The following FYB1 variants were observed in gnomAD, a reference collection of about 807,000 sequenced individuals.
FYB1 encodes FYN-binding protein 1.
A neutral mutation model predicts 94.1 loss-of-function variants in FYB1; 41 were observed. The ratio of observed to expected loss-of-function variants is 0.44; its 90% CI spans 0.34 to 0.57. The LOEUF is 0.57. Among genes scored for constraint, FYB1 ranks in the 20% least tolerant of loss-of-function variants. The pLI is 0.02. For missense variants in FYB1, 1,050 were observed against 976.8 expected (o/e 1.07, Z -1.00); for synonymous variants, 367 against 353.2 (o/e 1.04, Z -0.44).
chr5:39,192,605 G>A (rs901978056), intron 2 of FYB1, among the ~76,000 whole-genome samples: 17 of 152,120 alleles, frequency 1.1e-4, no homozygotes, highest in African/African-American at 4.1e-4. Flanking sequence ...GCAAATCATG[G>A]CATATTGCCC....
At chr5:39,110,266 T>A in intron 17 of FYB1, 90 bp downstream of exon 17, 1 of 716,468 alleles carries the variant, frequency 1.4e-6, no homozygotes, top group Non-Finnish European at 2.3e-6. Flanking sequence ...GTTGAGTAGG[T>A]TACATTATTT....
At chr5:39,144,975 A>G (rs950625241) in intron 3 of FYB1, among the ~76,000 whole-genome samples, 1 of 152,174 alleles carries the variant, frequency 6.6e-6, no homozygotes, top group African/African-American at 2.4e-5. Flanking sequence ...TTTTTTTAGG[A>G]ATAACTACTG....
intron 2 of FYB1, among the ~76,000 whole-genome samples, chr5:39,184,899 T>C (rs1390787417): frequency 6.6e-6 from 1 of 152,148 alleles, no homozygotes; most frequent in East Asian, 1.9e-4. Flanking sequence ...ATTATATGTA[T>C]TTTATAATAA....
chr5:39,174,012 G>A lies in FYB1; in HGVS notation c.1136-20408C>T, dbSNP rs186980669. On this transcript the variant is annotated intron_variant, in intron 2 of 18. Coordinates refer to ENST00000512982, the MANE Select transcript of FYB1 (RefSeq NM_001465.6). ...TTGGCATTTTGATAGTGATAGCATT[G>A]AATCTGTAAATTGCTTTGGGCAGGC... 5.3e-4 allele frequency among the ~76,000 whole-genome samples: 81 copies of A among 152,174 alleles called. No individual in the cohort carries two copies. The East Asian group carries it at 0.014, about 27-fold the overall frequency.
upstream of FYB1, among the ~76,000 whole-genome samples, chr5:39,224,388 C>T (rs947404934): frequency 2.0e-5 from 3 of 152,144 alleles, no homozygotes; most frequent in African/African-American, 7.2e-5. Flanking sequence ...TGCTTGCTCA[C>T]CCAGGGAGTG....
At position 39,202,950 on chromosome 5, in the gene FYB1, T is replaced by C. The variant is rs1402605658; in HGVS notation, c.11A>G (p.Tyr4Cys). The C allele has an allele frequency of 6.2e-7, 1 of 1,613,764 alleles. No individual in the cohort carries two copies. Among genetic ancestry groups the C allele is most frequent in the East Asian group, 2.2e-5 (1 of 44,894 alleles). MAK[Y>C]NTGGNPTEDV... ...CTCTGTCGGGTTGCCCCCCGTGTTA[T>C]ATTTCGCCATGAGGGACTTTACATC... The change falls in exon 2 of 19, where the codon TAT becomes TGT. Residue 4 changes from tyrosine to cysteine, a missense_variant. By Grantham distance (194) the Tyr-to-Cys change is radical. Transcript: ENST00000512982.
intron 2 of FYB1, among the ~76,000 whole-genome samples, chr5:39,186,007 C>T (rs1452680574): frequency 6.6e-6 from 1 of 152,058 alleles, no homozygotes; most frequent in Non-Finnish European, 1.5e-5. Context: ...AAGAGGAGCA[C>T]CTGGATTGAA....
intron 9 of FYB1, 22 bp downstream of exon 9, chr5:39,134,186 T>C: frequency 6.3e-7 from 1 of 1,588,428 alleles, no homozygotes; most frequent in Non-Finnish European, 8.6e-7. Context: ...TGATCTGTTC[T>C]ACAATACGTA....
At chr5:39,140,966 T>G in intron 4 of FYB1, 129 bp downstream of exon 4, 1 of 655,818 alleles carries the variant, frequency 1.5e-6, no homozygotes, top group Non-Finnish European at 2.7e-6. Flanking sequence ...AATAAACAAA[T>G]AAAACGAGAG....
At chr5:39,165,465 C>G (rs962239388) in intron 2 of FYB1, among the ~76,000 whole-genome samples, 2 of 152,150 alleles carry the variant, frequency 1.3e-5, no homozygotes, top group Admixed American at 1.3e-4. Flanking sequence ...GGGCTCCTAT[C>G]TCTCACCATA....
chr5:39,221,231 T>TG (rs971342118), upstream of FYB1, among the ~76,000 whole-genome samples: 14 of 152,216 alleles, frequency 9.2e-5, no homozygotes, highest in African/African-American at 3.4e-4. Context: ...TGGGATGCTG[T>TG]GGGGGCCTGA....
intron 2 of FYB1, among the ~76,000 whole-genome samples, chr5:39,154,742 C>T (rs1193281134): frequency 9.2e-5 from 14 of 151,740 alleles, no homozygotes; most frequent in Non-Finnish European, 1.3e-4. Context: ...TCACCATGCC[C>T]GCCGCTGTGC....
intron 1 of FYB1, among the ~76,000 whole-genome samples, chr5:39,219,218 C>T (rs1750105095): frequency 6.6e-6 from 1 of 152,164 alleles, no homozygotes; most frequent in Non-Finnish European, 1.5e-5. Context: ...GTGACAGACA[C>T]GTTCCCGGCC....
chr5:39,273,569 C>T (rs947601364), intron 1 of FYB1, among the ~76,000 whole-genome samples: 5 of 152,136 alleles, frequency 3.3e-5, no homozygotes, highest in South Asian at 2.1e-4. Flanking sequence ...CCTATGTTTT[C>T]GCAGTATGGG....
intron 11 of FYB1, among the ~76,000 whole-genome samples, chr5:39,127,059 C>CAAAAA (rs200980181): frequency 1.4e-4 from 11 of 77,478 alleles, no homozygotes; most frequent in African/African-American, 1.9e-4. Flanking sequence ...ACTCAGGTCT[C>CAAAAA]AAAAAAAAAA....
intron 13 of FYB1, among the ~76,000 whole-genome samples, chr5:39,123,636 G>A (rs1015149172): frequency 2.6e-5 from 4 of 152,084 alleles, no homozygotes; most frequent in African/African-American, 4.8e-5. Context: ...GATTACCTCT[G>A]TGTTGGTTTG....
At chr5:39,188,646 G>A (rs892992635) in intron 2 of FYB1, among the ~76,000 whole-genome samples, 2 of 148,776 alleles carry the variant, frequency 1.3e-5, no homozygotes, top group African/African-American at 4.9e-5. Context: ...CGGGGTTCAA[G>A]TGACTTTCCC....
In FYB1 at chr5:39,210,906, CTA is replaced by C. The variant is rs762564249; in HGVS notation, c.-27-7921_-27-7920del. 1.2e-3 allele frequency among the ~76,000 whole-genome samples: 175 copies of C among 152,108 alleles called. 1 individual carries two copies. The Middle Eastern group carries it at 0.014, about 12-fold the overall frequency. ...CTATGTGTTTCTGAGGTTTGTTTTG[CTA>C]TATGTTTTTGAGTTCTTGATGTGGA... On this transcript the variant is annotated intron_variant, in intron 1 of 18. Coordinates refer to ENST00000512982, the MANE Select transcript of FYB1 (RefSeq NM_001465.6).
intron 1 of FYB1, among the ~76,000 whole-genome samples, chr5:39,264,359 G>C (rs1214212627): frequency 6.6e-6 from 1 of 152,162 alleles, no homozygotes; most frequent in African/African-American, 2.4e-5. Flanking sequence ...TGACCAATCT[G>C]GCATTCTGAT....
Sources: allele counts gnomAD v4.1 joint callset (sites outside exome capture counted in the v4.1 genomes callset), GRCh38; gene constraint gnomAD v4.1.1; transcripts MANE v1.5; gene names NCBI Gene and HGNC (gene_info 2026-07-23, HGNC 2026-07-21).